SLC9B1: variants seen among roughly 807,000 people sequenced by gnomAD.
SLC9B1 encodes the protein sodium/hydrogen exchanger 9B1.
A neutral mutation model predicts 51.7 loss-of-function variants in SLC9B1; 32 were observed. The observed-to-expected ratio is 0.62, with a 90% CI of 0.47 to 0.83. SLC9B1 has a LOEUF of 0.83. SLC9B1 is among the 40% of genes least tolerant of loss of function. The pLI is 0.00. For missense variants in SLC9B1, 406 were observed against 613.2 expected (o/e 0.66, Z 3.57); for synonymous variants, 145 against 212.7 (o/e 0.68, Z 2.77).
At chr4:103,004,331 A>T (rs1740677210) in intron 1 of SLC9B1, among the ~76,000 whole-genome samples, 1 of 152,240 alleles carries the variant, frequency 6.6e-6, no homozygotes, top group African/African-American at 2.4e-5. Context: ...AGCTCAGGAA[A>T]TAATCTCAGA....
intron 3 of SLC9B1, among the ~76,000 whole-genome samples, chr4:102,989,344 C>T (rs1186825938): frequency 6.6e-6 from 1 of 151,856 alleles, no homozygotes; most frequent in Non-Finnish European, 1.5e-5. Context: ...TAAGTATTTG[C>T]TGACAACAAC....
At chr4:103,008,190 T>C (rs1055843436) in intron 1 of SLC9B1, among the ~76,000 whole-genome samples, 1 of 152,220 alleles carries the variant, frequency 6.6e-6, no homozygotes, top group African/African-American at 2.4e-5. Flanking sequence ...TTAAGTGAGA[T>C]GTTTGTACAA....
At chr4:102,960,632 T>C (rs760619058) in intron 3 of SLC9B1, among the ~76,000 whole-genome samples, 1 of 152,136 alleles carries the variant, frequency 6.6e-6, no homozygotes, top group African/African-American at 2.4e-5. Flanking sequence ...TAAATTCCGA[T>C]ACACATCTAT....
intron 3 of SLC9B1, among the ~76,000 whole-genome samples, chr4:102,959,852 G>A (rs1021054247): frequency 6.6e-6 from 1 of 152,096 alleles, no homozygotes; most frequent in Non-Finnish European, 1.5e-5. Flanking sequence ...ACATCAAATA[G>A]GAAATTAAAA....
At chr4:102,963,817 T>C (rs1738272177) in intron 3 of SLC9B1, among the ~76,000 whole-genome samples, 1 of 152,160 alleles carries the variant, frequency 6.6e-6, no homozygotes, top group South Asian at 2.1e-4. Flanking sequence ...TAAAGCAGTG[T>C]ATAGAGGAAA....
At chr4:102,984,488 TTAAG>T (rs1375781654) in intron 3 of SLC9B1, among the ~76,000 whole-genome samples, 1 of 152,192 alleles carries the variant, frequency 6.6e-6, no homozygotes, top group Non-Finnish European at 1.5e-5. Flanking sequence ...TGTTTAATCT[TTAAG>T]TATTTCGGGA....
At chr4:102,893,276 C>A (rs1446059329) in intron 11 of SLC9B1, among the ~76,000 whole-genome samples, 1 of 27,086 alleles carries the variant, frequency 3.7e-5, no homozygotes, top group Non-Finnish European at 5.4e-5. Context: ...AGCAAGACTC[C>A]ATCTCAAAAA....
chr4:103,019,380 A>G (rs1047723372), intron 1 of SLC9B1, among the ~76,000 whole-genome samples: 2 of 152,208 alleles, frequency 1.3e-5, no homozygotes, highest in Admixed American at 1.3e-4. Context: ...AGAACAAACA[A>G]GAGAGATGTG....
At chr4:102,966,417 C>T (rs1560956700) in intron 3 of SLC9B1, among the ~76,000 whole-genome samples, 3 of 152,244 alleles carry the variant, frequency 2.0e-5, no homozygotes, top group Non-Finnish European at 4.4e-5. Context: ...TTACCACTTG[C>T]ACCCTCCAGA....
chr4:102,885,221 G>C lies in SLC9B1; in HGVS notation c.*12C>G, dbSNP rs63749888. The C allele has an allele frequency of 6.2e-7, 1 of 1,613,896 alleles. No individual in the cohort carries two copies. On this transcript the variant is annotated 3_prime_UTR_variant, in exon 12 of 12. Coordinates refer to the SLC9B1 transcript ENST00000394789. ...TGACACATCTACATGTTTAGTTTCA[G>C]AATGGCTTCGGTTATTGCCTTTCCT...
chr4:102,992,700 A>G (rs1740007915), intron 1 of SLC9B1, among the ~76,000 whole-genome samples: 1 of 152,224 alleles, frequency 6.6e-6, no homozygotes, highest in Non-Finnish European at 1.5e-5. Flanking sequence ...ATTCCTTTAA[A>G]GTGTAGTTCC....
chr4:102,900,208 T>C (rs1302206303), downstream of SLC9B1, among the ~76,000 whole-genome samples: 3 of 152,166 alleles, frequency 2.0e-5, no homozygotes, highest in Admixed American at 6.5e-5. Context: ...AATAAGGCCA[T>C]TTTAGAATCG....
intron 9 of SLC9B1, among the ~76,000 whole-genome samples, chr4:102,910,206 T>C (rs1253262211): frequency 6.6e-6 from 1 of 152,138 alleles, no homozygotes; most frequent in African/African-American, 2.4e-5. Context: ...TAATATTATA[T>C]AAAACTTGGG....
downstream of SLC9B1, among the ~76,000 whole-genome samples, chr4:102,896,204 C>T (rs1464500354): frequency 6.6e-6 from 1 of 152,106 alleles, no homozygotes; most frequent in East Asian, 1.9e-4. Context: ...TGATCCTTTC[C>T]TCCCTCAGGA....
At chr4:102,906,757 G>T (rs1735078725) in intron 9 of SLC9B1, 113 bp from the exon 10 acceptor site, 7 of 660,322 alleles carry the variant, frequency 1.1e-5, no homozygotes, top group South Asian at 1.0e-4. Context: ...TAGAGATGGG[G>T]TCTTGCTCTG....
At chr4:102,925,236 G>C (rs546039173) in intron 7 of SLC9B1, among the ~76,000 whole-genome samples, 3 of 152,136 alleles carry the variant, frequency 2.0e-5, no homozygotes, top group Non-Finnish European at 2.9e-5. Flanking sequence ...TAAAAAGGAT[G>C]AGTTCCTGTC....
In SLC9B1 at chr4:102,902,205, G is replaced by A. The variant is rs1478303710; in HGVS notation, c.1333-873C>T. 4.6e-5 allele frequency among the ~76,000 whole-genome samples: 7 copies of A among 152,174 alleles called. No individual in the cohort carries two copies. In the East Asian group the frequency reaches 9.6e-4, roughly 21 times the overall value. ...TCTTTGTGTTTAATAATCTAGGCAT[G>A]AAATTGCCTTAAAATTTTGGGGAAT... is the stretch of plus-strand genomic sequence containing the variant. On this transcript the variant is annotated intron_variant, in intron 11 of 11. Transcript: ENST00000296422.
In SLC9B1 at chr4:102,939,991, A is replaced by G. The variant is rs1736909491; in HGVS notation, c.653+5202T>C. Among the ~76,000 whole-genome samples, 3 of 152,208 alleles carry G rather than the reference A, an allele frequency of 2.0e-5. No individual in the cohort carries two copies. In the South Asian group the frequency reaches 6.2e-4, roughly 31 times the overall value. On this transcript the variant is annotated intron_variant, in intron 6 of 11. Coordinates refer to ENST00000296422, the MANE Select transcript of SLC9B1 (RefSeq NM_139173.4). ...CTACTCCTATTCAACATAGTAATGG[A>G]TGTCCTAGCCAGTGCAATTAGGCAA...
intron 6 of SLC9B1, chr4:102,941,463 G>T (rs1224109708): frequency 4.4e-6 from 2 of 455,668 alleles, no homozygotes; most frequent in Non-Finnish European, 8.8e-6. Context: ...ACAGGAGGCA[G>T]AATGGCTATT....
Sources: allele counts gnomAD v4.1 joint callset (sites outside exome capture counted in the v4.1 genomes callset), GRCh38; gene constraint gnomAD v4.1.1; transcripts MANE v1.5; gene names NCBI Gene and HGNC (gene_info 2026-07-23, HGNC 2026-07-21).